ATG4D: variants seen among roughly 807,000 people sequenced by gnomAD.
ATG4D encodes the protein autophagy related 4D cysteine peptidase.
In ATG4D, 51 loss-of-function variants were observed where a neutral mutation model predicts 55.2. The observed-to-expected ratio is 0.92, with a 90% CI of 0.74 to 1.17. ATG4D has a LOEUF of 1.17. ATG4D is among the 50% of genes most tolerant of loss of function. ATG4D has a pLI of 0.00. For synonymous variants in ATG4D, 268 were observed against 266.2 expected (o/e 1.01, Z -0.07); for missense variants, 635 against 649.6 (o/e 0.98, Z 0.25).
intron 6 of ATG4D, among the ~76,000 whole-genome samples, chr19:10,551,468 G>A (rs1195490603): frequency 6.6e-6 from 1 of 151,780 alleles, no homozygotes; most frequent in Non-Finnish European, 1.5e-5. Context: ...GCCGAGACGG[G>A]CAGATCACCT....
chr19:10,552,782 C>G (rs2144702821), intron 9 of ATG4D, 103 bp from the exon 10 acceptor site: 1 of 1,276,480 alleles, frequency 7.8e-7, no homozygotes, highest in African/African-American at 1.5e-5. Context: ...TGGCTGCTCT[C>G]TCCTGGAGAG....
chr19:10,544,869 G>A lies in ATG4D; in HGVS notation c.319+3G>A. ...CCGCTACCGTTTCGAGGGCGAGGGT[G>A]AGCTGGTGGTTGGGACCAGGGCTGG... On this transcript the variant is annotated splice_donor_region_variant and intron_variant, in intron 2 of 9. Coordinates refer to ENST00000309469, the MANE Select transcript of ATG4D (RefSeq NM_032885.6). 6.2e-7 allele frequency: 1 copy of A among 1,607,942 alleles called. No individual in the cohort carries two copies. The highest frequency in any genetic ancestry group is 8.5e-7 in the Non-Finnish European group (1 of 1,176,504).
Position 10,553,072 on chromosome 19 carries a change from AG to A in ATG4D, c.*9del, listed in dbSNP as rs767892030. On this transcript the variant is annotated 3_prime_UTR_variant, in exon 10 of 10. Coordinates refer to ENST00000309469, the MANE Select transcript of ATG4D (RefSeq NM_032885.6). Reference sequence around the variant, plus strand: ...GAGGACTTTGTGTTTTTATAAAGGGAGGGGATGAGGGGAAAGATACAACACT... The same window carrying A: ...GAGGACTTTGTGTTTTTATAAAGGGAGGGATGAGGGGAAAGATACAACACT... The A allele has an allele frequency of 4.4e-6, 7 of 1,590,764 alleles. No homozygotes were observed. The Admixed American group carries it at 1.2e-4, about 28-fold the overall frequency.
chr19:10,547,659 G>T (rs1390873661), intron 5 of ATG4D, among the ~76,000 whole-genome samples: 1 of 142,416 alleles, frequency 7.0e-6, no homozygotes, highest in East Asian at 2.3e-4. Context: ...GAGGCCAGGC[G>T]CAGTGGCTCA....
chr19:10,544,704 C>T lies in ATG4D; in HGVS notation c.236-79C>T, dbSNP rs778213111. On this transcript the variant is annotated intron_variant, in intron 1 of 9. Coordinates refer to ENST00000309469, the MANE Select transcript of ATG4D (RefSeq NM_032885.6). The stretch of plus-strand genomic sequence containing the variant: ...ATAGGAACTAGGATCGTGCCCATTT[C>T]ACAGATGGGGGAATGGAAGCGCTGT... 2.5e-6 allele frequency: 4 copies of T among 1,591,406 alleles called. No homozygotes were observed. The South Asian group carries it at 4.5e-5, about 18-fold the overall frequency.
chr19:10,549,121 C>A, intron 6 of ATG4D, 87 bp downstream of exon 6: 1 of 1,498,316 alleles, frequency 6.7e-7, no homozygotes, highest in Non-Finnish European at 9.0e-7. Flanking sequence ...TTGTGCAGCC[C>A]TCATCACTTT....
At chr19:10,548,560 T>C (rs895798572) in intron 5 of ATG4D, among the ~76,000 whole-genome samples, 2 of 152,094 alleles carry the variant, frequency 1.3e-5, no homozygotes, top group African/African-American at 2.4e-5. Context: ...CTCCAGCTTC[T>C]GTATTGGCAA....
At chr19:10,546,702 G>A (rs1568415341) in intron 3 of ATG4D, 137 bp from the exon 4 acceptor site, 4 of 915,248 alleles carry the variant, frequency 4.4e-6, no homozygotes, top group Admixed American at 3.1e-5. Flanking sequence ...ATAAGGATAA[G>A]TATATGTTTC....
intron 1 of ATG4D, 121 bp from the exon 2 acceptor site, chr19:10,544,662 C>T: frequency 1.3e-6 from 2 of 1,510,234 alleles, no homozygotes; most frequent in Non-Finnish European, 1.8e-6. Flanking sequence ...GACGGAATCC[C>T]CGGAGCCACC....
Position 10,552,198 on chromosome 19 carries a change from GC to G in ATG4D, c.1123-3del. 6.2e-7 allele frequency: 1 copy of G among 1,611,900 alleles called. No homozygotes were observed. ...GCCTCTGAGCCTTCCTCGTCTGTCT[GC>G]CCCAGTCCTTCCACTGCACCTCGCC... is the stretch of plus-strand genomic sequence containing the variant. On this transcript the variant is annotated splice_region_variant and splice_polypyrimidine_tract_variant and intron_variant, in intron 8 of 9. Transcript: ENST00000309469.
chr19:10,545,096 G>A lies in ATG4D; in HGVS notation c.459G>A (p.Leu153=). 6.2e-7 allele frequency: 1 copy of A among 1,612,286 alleles called. No homozygotes were observed. Among genetic ancestry groups the A allele is most frequent in the Non-Finnish European group, 8.5e-7 (1 of 1,180,014 alleles). ...GCMLRSGQMM[L]AQGLLLHFLP... is the part of the protein sequence containing the mutation. The stretch of plus-strand genomic sequence containing the variant: ...TGTTACGCAGCGGCCAGATGATGCT[G>A]GCACAGGGCCTTCTGCTGCATTTCC... The change falls in exon 3 of 10, where the codon CTG becomes CTA. Residue 153 remains leucine, a synonymous_variant. Coordinates refer to ENST00000309469, the MANE Select transcript of ATG4D (RefSeq NM_032885.6).
chr19:10,551,686 AGACTCC>A (rs762726185), intron 6 of ATG4D, among the ~76,000 whole-genome samples: 327 of 137,456 alleles, frequency 2.4e-3, no homozygotes, highest in Non-Finnish European at 3.3e-3. Flanking sequence ...TGACAGAGTG[AGACTCC>A]GTCTCAAAAA....
At position 10,547,029 on chromosome 19, in the gene ATG4D, C is replaced by T. The variant is rs1394886910; in HGVS notation, c.684C>T (p.Gly228=). The part of the protein sequence containing the change: ...WFADHPRAPF[G]LHRLVELGQS... ...CCGACCACCCCCGGGCCCCCTTTGG[C>T]CTACACCGGCTGGTGGAGCTTGGGC... The change falls in exon 4 of 10, where the codon GGC becomes GGT. Residue 228 remains glycine (G), a synonymous_variant. Transcript: ENST00000309469. 5.7e-6 allele frequency: 9 copies of T among 1,587,120 alleles called. No individual in the cohort carries two copies. Among genetic ancestry groups the T allele is most frequent in the East Asian group, 2.3e-5 (1 of 43,996 alleles).
intron 6 of ATG4D, 50 bp from the exon 7 acceptor site, chr19:10,551,847 C>G: frequency 6.3e-7 from 1 of 1,582,208 alleles, no homozygotes; most frequent in East Asian, 2.2e-5. Flanking sequence ...GTTTGCCAAG[C>G]GTTTGTTGAG....
In ATG4D at chr19:10,551,878, C is replaced by T. The variant is rs1391323977; in HGVS notation, c.967-19C>T. ...TTGAGTGGCTGCCTGACAGCACCTG[C>T]CTACCCTCCTCCCTGCAGGAACTCC... On this transcript the variant is annotated intron_variant, in intron 6 of 9. Transcript: ENST00000309469. 1.2e-6 allele frequency: 2 copies of T among 1,613,242 alleles called. No homozygotes were observed. The highest frequency in any genetic ancestry group is 1.1e-5 in the South Asian group (1 of 90,938).
rs1261151996 is a variant in ATG4D, at chr19:10,553,051, A to G, written c.1409A>G (p.Asp470Gly). Residue 470 changes from aspartate to glycine, a missense_variant, in exon 10 of 10, where the codon GAC (aspartate) becomes GGC (glycine). Transcript: ENST00000309469. ...AGGGCCAAACGCCCCAGCTCTGAGG[A>G]CTTTGTGTTTTTATAAAGGGAGGGG... ...LLRAKRPSSE[D>G]FVFL 1 of 1,601,380 alleles carries G rather than the reference A, an allele frequency of 6.2e-7. No homozygotes were observed. The highest frequency in any genetic ancestry group is 1.7e-5 in the Admixed American group (1 of 58,222).
chr19:10,551,860 G>C, intron 6 of ATG4D, 37 bp from the exon 7 acceptor site: 1 of 1,607,376 alleles, frequency 6.2e-7, no homozygotes. Context: ...TTGTTGAGTG[G>C]CTGCCTGACA....
intron 7 of ATG4D, 35 bp downstream of exon 7, chr19:10,552,010 C>T: frequency 1.9e-6 from 3 of 1,607,402 alleles, no homozygotes; most frequent in Non-Finnish European, 2.5e-6. Context: ...TCCCACCCCC[C>T]ACCGCACCCC....
At chr19:10,549,086 G>T in intron 6 of ATG4D, 52 bp downstream of exon 6, 1 of 1,604,602 alleles carries the variant, frequency 6.2e-7, no homozygotes, top group Non-Finnish European at 8.5e-7. Flanking sequence ...CTCCAGACTT[G>T]TTTAGTTTGT....
Sources: allele counts gnomAD v4.1 joint callset (sites outside exome capture counted in the v4.1 genomes callset), GRCh38; gene constraint gnomAD v4.1.1; transcripts MANE v1.5; gene names NCBI Gene and HGNC (gene_info 2026-07-23, HGNC 2026-07-21).